The following NCOA3 variants were observed in gnomAD, a reference collection of about 807,000 sequenced individuals.
The protein encoded by NCOA3 is nuclear receptor coactivator 3, also known as CBP-interacting protein.
A neutral mutation model predicts 158.8 loss-of-function variants in NCOA3; 51 were observed. That is an observed-to-expected ratio of 0.32 (90% confidence interval 0.26 to 0.41). The LOEUF (loss-of-function observed/expected upper bound fraction) is 0.41. Among genes scored for constraint, NCOA3 ranks in the 10% least tolerant of loss-of-function variants. The pLI is 1.00. For missense variants in NCOA3, 1,510 were observed against 1,746.6 expected (o/e 0.86, Z 2.41); for synonymous variants, 537 against 592.4 (o/e 0.91, Z 1.36).
intron 1 of NCOA3, among the ~76,000 whole-genome samples, chr20:47,544,242 G>GT (rs79033956): frequency 0.017 from 1,838 of 106,264 alleles, 20 homozygotes; most frequent in South Asian, 0.046. Context: ...TTTTGTTCAA[G>GT]TTTTTTTTTT....
chr20:47,651,170 C>G lies in NCOA3; in HGVS notation c.3840C>G (p.Phe1280Leu). ...QQQQQQQTQA[F>L]SPPPNVTASP... is the part of the protein sequence containing the mutation. Reference sequence around the variant, plus strand: ...AGCAACAGCAGCAAACCCAGGCCTTCAGCCCACCTCCTAATGTGACTGCTT... The same window carrying G: ...AGCAACAGCAGCAAACCCAGGCCTTGAGCCCACCTCCTAATGTGACTGCTT... Residue 1280 changes from phenylalanine to leucine, a missense_variant, in exon 20 of 23, where the codon TTC (phenylalanine) becomes TTG (leucine). By Grantham distance (22) the Phe-to-Leu change is conservative. Coordinates refer to ENST00000371998, the MANE Select transcript of NCOA3 (RefSeq NM_181659.3). 6.2e-7 allele frequency: 1 copy of G among 1,614,030 alleles called. No homozygotes were observed. The highest frequency in any genetic ancestry group is 1.7e-5 in the Admixed American group (1 of 60,026).
Position 47,635,303 on chromosome 20 carries a change from T to A in NCOA3, c.1113-19T>A. On this transcript the variant is annotated intron_variant, in intron 10 of 22. Coordinates refer to ENST00000371998, the MANE Select transcript of NCOA3 (RefSeq NM_181659.3). ...CATGCTTAGAATTTTTTAGTAAAAG[T>A]TTGATGTTTGTTTTGCAGAGAACAG... 6.5e-7 allele frequency: 1 copy of A among 1,542,498 alleles called. No homozygotes were observed. Among genetic ancestry groups the A allele is most frequent in the Admixed American group, 2.0e-5 (1 of 49,260 alleles).
At chr20:47,594,664 C>CAAAAAAAAAAAAAAAAAAAAA (rs377014290) in intron 2 of NCOA3, among the ~76,000 whole-genome samples, 2 of 72,942 alleles carry the variant, frequency 2.7e-5, no homozygotes, top group African/African-American at 6.1e-5. Flanking sequence ...GACTCTGTCT[C>CAAAAAAAAAAAAAAAAAAAAA]AAAAAAAAAA....
At position 47,542,009 on chromosome 20, in the gene NCOA3, G is replaced by GTTTTTTTGTTTTTTTTTTTTT; in HGVS notation, c.-99+39997_-99+39998insGTTTTTTTTTTTTTTTTTTTT. ...ATCAAATTATTTTTTGCCCTGTAGA[G>GTTTTTTTGTTTTTTTTTTTTT]TTTTTTTTTTTTTTTTTTTTTGTTG... On this transcript the variant is annotated intron_variant, in intron 1 of 22. Transcript: ENST00000371998. 1.4e-3 allele frequency among the ~76,000 whole-genome samples: 81 copies of GTTTTTTTGTTTTTTTTTTTTT among 56,350 alleles called. 4 individuals are homozygous for GTTTTTTTGTTTTTTTTTTTTT. Among genetic ancestry groups the GTTTTTTTGTTTTTTTTTTTTT allele is most frequent in the Non-Finnish European group, 2.1e-3 (59 of 28,690 alleles). 37.0% of individuals were successfully genotyped at this position (56,350 alleles called of 152,430 possible).
At chr20:47,642,071 T>A (rs1215046325) in intron 16 of NCOA3, 142 bp from the exon 17 acceptor site, 7 of 680,282 alleles carry the variant, frequency 1.0e-5, no homozygotes, top group Non-Finnish European at 1.6e-5. Context: ...TGCCATTCAC[T>A]CTTTTTTACC....
intron 8 of NCOA3, chr20:47,631,077 C>T (rs532525024): frequency 6.6e-6 from 1 of 152,252 alleles, no homozygotes; most frequent in African/African-American, 2.4e-5. Flanking sequence ...ACTGTGTGAC[C>T]AGTTATTATG....
At chr20:47,579,602 ACTC>A (rs2085421533) in intron 1 of NCOA3, among the ~76,000 whole-genome samples, 2 of 152,090 alleles carry the variant, frequency 1.3e-5, no homozygotes, top group Non-Finnish European at 2.9e-5. Flanking sequence ...ATATAGTAGT[ACTC>A]CTTTCCAGGT....
intron 1 of NCOA3, among the ~76,000 whole-genome samples, chr20:47,517,488 T>C (rs1311235052): frequency 4.7e-5 from 7 of 149,652 alleles, no homozygotes; most frequent in East Asian, 3.9e-4. Flanking sequence ...TCTTGCTCTG[T>C]CGCCCAGGCT....
intron 1 of NCOA3, among the ~76,000 whole-genome samples, chr20:47,582,184 CCTGA>C (rs777776887): frequency 1.2e-4 from 18 of 150,960 alleles, no homozygotes; most frequent in Non-Finnish European, 2.4e-4. Context: ...ATATGCTATG[CCTGA>C]CTTTTATTTT....
At chr20:47,572,381 G>C (rs1413849647) in intron 1 of NCOA3, among the ~76,000 whole-genome samples, 2 of 151,888 alleles carry the variant, frequency 1.3e-5, no homozygotes, top group African/African-American at 4.8e-5. Context: ...CCCAGTCTGG[G>C]CCATATGAAC....
rs555404311 is a variant in NCOA3, at chr20:47,631,745, G to A, written c.824-1751G>A. Among the ~76,000 whole-genome samples the A allele has an allele frequency of 6.6e-5, 10 of 152,178 alleles. 1 individual carries two copies. Among genetic ancestry groups the A allele is most frequent in the Middle Eastern group, 3.4e-3 (1 of 294 alleles). On this transcript the variant is annotated intron_variant, in intron 8 of 22. Transcript: ENST00000371998. ...ATAGTTGTAGGGACAGAATCTCTTC[G>A]GACAAACAACTTTCCTCATAGGCGT...
chr20:47,573,498 C>G (rs905215472), intron 1 of NCOA3, among the ~76,000 whole-genome samples: 3 of 151,996 alleles, frequency 2.0e-5, no homozygotes, highest in African/African-American at 7.3e-5. Flanking sequence ...GGAGCATCAC[C>G]AAAATGTAAG....
At chr20:47,625,674 C>G (rs899323138) in intron 5 of NCOA3, among the ~76,000 whole-genome samples, 193 bp downstream of exon 5, 6 of 152,094 alleles carry the variant, frequency 3.9e-5, no homozygotes, top group African/African-American at 1.4e-4. Flanking sequence ...TTCAGGAAGC[C>G]TTGCCCCCCT....
chr20:47,604,842 TCTTC>T (rs1353159441), intron 2 of NCOA3, among the ~76,000 whole-genome samples: 1 of 152,216 alleles, frequency 6.6e-6, no homozygotes, highest in African/African-American at 2.4e-5. Flanking sequence ...TTCTTGACTA[TCTTC>T]CTTAGTTCAG....
intron 1 of NCOA3, 65 bp downstream of exon 1, chr20:47,502,084 G>T: frequency 2.5e-6 from 1 of 399,198 alleles, no homozygotes; most frequent in Non-Finnish European, 4.4e-6. Context: ...GGAGGGAAGA[G>T]GGGCGAGTTC....
intron 1 of NCOA3, among the ~76,000 whole-genome samples, chr20:47,509,211 A>G (rs2084076061): frequency 6.6e-6 from 1 of 152,052 alleles, no homozygotes; most frequent in Non-Finnish European, 1.5e-5. Context: ...CAACAAAGTA[A>G]GATCCTGTCT....
At chr20:47,533,991 A>T (rs1171930399) in intron 1 of NCOA3, among the ~76,000 whole-genome samples, 2 of 151,774 alleles carry the variant, frequency 1.3e-5, no homozygotes, top group Non-Finnish European at 2.9e-5. Context: ...GAAGGCTGTT[A>T]GAGTAATCCA....
chr20:47,611,853 C>T (rs904442257), intron 2 of NCOA3, among the ~76,000 whole-genome samples: 4 of 152,028 alleles, frequency 2.6e-5, no homozygotes, highest in African/African-American at 9.7e-5. Context: ...ACCAGGGTCT[C>T]ACTCCCTTCA....
intron 1 of NCOA3, among the ~76,000 whole-genome samples, chr20:47,533,468 T>C (rs1280638624): frequency 6.6e-6 from 1 of 152,046 alleles, no homozygotes; most frequent in Non-Finnish European, 1.5e-5. Context: ...TATTAATAGA[T>C]TTTGTATGTA....
Sources: gnomAD v4.1 joint callset for allele counts (sites outside exome capture counted in the v4.1 genomes callset) on GRCh38, gnomAD v4.1.1 for gene constraint, MANE v1.5 for transcripts, NCBI Gene and HGNC (gene_info 2026-07-23, HGNC 2026-07-21) for gene names.